Variants in HNRNPLL observed in about 807,000 individuals in gnomAD.
The protein encoded by HNRNPLL is heterogeneous nuclear ribonucleoprotein L-like.
In HNRNPLL, 25 loss-of-function variants were observed where a neutral mutation model predicts 67.1. The ratio of observed to expected loss-of-function variants is 0.37; its 90% CI spans 0.27 to 0.52. HNRNPLL has a LOEUF of 0.52. HNRNPLL is among the 20% of genes least tolerant of loss of function. HNRNPLL has a pLI of 0.90. For missense variants in HNRNPLL, 542 were observed against 673.9 expected (o/e 0.80, Z 2.17); for synonymous variants, 267 against 241.7 (o/e 1.10, Z -0.97).
chr2:38,581,540 C>T (rs1021461202), intron 6 of HNRNPLL: 3 of 290,064 alleles, frequency 1.0e-5, no homozygotes, highest in Non-Finnish European at 1.9e-5. Context: ...CTTAATGCCT[C>T]GTCCAGCTTG....
intron 1 of HNRNPLL, chr2:38,602,142 C>A: frequency 2.3e-6 from 1 of 438,362 alleles, no homozygotes; most frequent in Non-Finnish European, 4.0e-6. Context: ...CGAAACCCCC[C>A]AGAGCGGAAG....
At chr2:38,602,300 A>G in intron 1 of HNRNPLL, 138 bp downstream of exon 1, 1 of 777,280 alleles carries the variant, frequency 1.3e-6, no homozygotes. Flanking sequence ...ACGAGCCCCA[A>G]AGAGAAGAGT....
chr2:38,588,005 T>G (rs900967225), intron 2 of HNRNPLL, among the ~76,000 whole-genome samples: 1 of 152,110 alleles, frequency 6.6e-6, no homozygotes, highest in Admixed American at 6.6e-5. Context: ...CTGCTGGCTA[T>G]GTAAAGATGT....
At position 38,601,145 on chromosome 2, in the gene HNRNPLL, A is replaced by G. The variant is rs1169044698; in HGVS notation, c.189+1293T>C. Among the ~76,000 whole-genome samples, 3 of 152,230 alleles carry G rather than the reference A, an allele frequency of 2.0e-5. No homozygotes were observed. The East Asian group carries it at 5.8e-4, about 29-fold the overall frequency. On this transcript the variant is annotated intron_variant, in intron 1 of 12. Coordinates refer to ENST00000449105, the MANE Select transcript of HNRNPLL (RefSeq NM_138394.4). ...TCCTTTATTCACACTTCCAAGTTAC[A>G]TTTTGAATATTTCAAATAGCTCGGC... is the stretch of plus-strand genomic sequence containing the variant.
In HNRNPLL at chr2:38,562,583, A is replaced by C. The variant is rs1438301790; in HGVS notation, c.*1599T>G. The C allele has an allele frequency of 6.6e-6, 1 of 152,156 alleles. No individual in the cohort carries two copies. Among genetic ancestry groups the C allele is most frequent in the Non-Finnish European group, 1.5e-5 (1 of 67,984 alleles). 9.4% of individuals were successfully genotyped at this position (152,156 alleles called of 1,614,324 possible). A position where few individuals can be genotyped will look rare whatever the true frequency, so the allele number is the denominator to read the frequency against. On this transcript the variant is annotated 3_prime_UTR_variant, in exon 13 of 13. Transcript: ENST00000449105. ...ATAGGGGAAAAAAAGCTTTATTGTA[A>C]AGTTAGATAAACTTAGGTATTAAAT... is the stretch of plus-strand genomic sequence containing the variant.
chr2:38,601,520 A>G (rs1159067670), intron 1 of HNRNPLL: 2 of 152,246 alleles, frequency 1.3e-5, no homozygotes, highest in Non-Finnish European at 2.9e-5. Flanking sequence ...AAAAAGGGCA[A>G]TAACGTTTGC....
chr2:38,600,832 C>T (rs1667403904), intron 1 of HNRNPLL, among the ~76,000 whole-genome samples: 3 of 152,210 alleles, frequency 2.0e-5, no homozygotes, highest in South Asian at 4.1e-4. Flanking sequence ...CCGCTCCACA[C>T]ATTTCGCTTT....
chr2:38,578,067 A>G (rs538012118), intron 6 of HNRNPLL: 2 of 463,686 alleles, frequency 4.3e-6, no homozygotes, highest in Non-Finnish European at 9.0e-6. Context: ...ACATATTTAC[A>G]AACACCTGAC....
Position 38,569,133 on chromosome 2 carries a change from C to T in HNRNPLL, c.1416G>A (p.Lys472=). 1 of 1,591,868 alleles carries T rather than the reference C, an allele frequency of 6.3e-7. No individual in the cohort carries two copies. Among genetic ancestry groups the T allele is most frequent in the Non-Finnish European group, 8.6e-7 (1 of 1,159,862 alleles). Residue 472 remains lysine (K), a splice_region_variant and synonymous_variant, in exon 10 of 13, where the codon AAG becomes AAA. Transcript: ENST00000449105. The stretch of plus-strand genomic sequence containing the variant: ...TACACATTTGTATTTCAGTGCCTAC[C>T]TTTGTGAAGGTCTCTTCTGTGACAC... The part of the protein sequence containing the change: ...PLCVTEETFT[K]LCNDHEVLTF...
intron 6 of HNRNPLL, among the ~76,000 whole-genome samples, chr2:38,580,195 A>C (rs78589338): frequency 6.6e-6 from 1 of 152,330 alleles, no homozygotes; most frequent in East Asian, 1.9e-4. Flanking sequence ...CAATAACTGT[A>C]AATTGACAGA....
At chr2:38,566,366 C>CA (rs71402234) in intron 12 of HNRNPLL, among the ~76,000 whole-genome samples, 10,201 of 58,492 alleles carry the variant, frequency 0.17, 564 homozygotes, top group African/African-American at 0.28. Flanking sequence ...AGACTCGTCT[C>CA]AAAAAAAAAA....
chr2:38,570,380 G>T (rs535398679), intron 8 of HNRNPLL, among the ~76,000 whole-genome samples: 1 of 152,262 alleles, frequency 6.6e-6, no homozygotes, highest in East Asian at 1.9e-4. Flanking sequence ...TTATATTCTA[G>T]TAGTTAAGTC....
chr2:38,572,315 G>C (rs549141108), intron 8 of HNRNPLL, among the ~76,000 whole-genome samples: 1 of 152,010 alleles, frequency 6.6e-6, no homozygotes, highest in East Asian at 1.9e-4. Context: ...AGAAGCTTTA[G>C]AATTAATGAA....
Position 38,563,532 on chromosome 2 carries a change from T to A in HNRNPLL, c.*650A>T, listed in dbSNP as rs1334819401. 1 of 151,980 alleles carries A rather than the reference T, an allele frequency of 6.6e-6. No individual in the cohort carries two copies. Among genetic ancestry groups the A allele is most frequent in the African/African-American group, 2.4e-5 (1 of 41,392 alleles). The allele number at this position is 151,980 out of a possible 1,614,324, so 9.4% of individuals were successfully genotyped here. The stretch of plus-strand genomic sequence containing the variant: ...CTCATTGTTATAACTTTATAAAATC[T>A]CCAAACTGGACTAGAAACAGAGGCA... On this transcript the variant is annotated 3_prime_UTR_variant, in exon 13 of 13. Transcript: ENST00000449105.
chr2:38,601,914 C>G (rs1558551766), intron 1 of HNRNPLL: 1 of 152,792 alleles, frequency 6.5e-6, no homozygotes, highest in Non-Finnish European at 1.5e-5. Flanking sequence ...ATTAAACCTT[C>G]AAGGGAACTA....
At position 38,561,990 on chromosome 2, in the gene HNRNPLL, A is replaced by G. The variant is rs772403212; in HGVS notation, c.*2192T>C. ...CATATTCCATAACTCAGTTTGGCAGATTTATTATCAAATGTGTAGTAGGAT... is the reference window on the plus strand; with the variant it reads ...CATATTCCATAACTCAGTTTGGCAGGTTTATTATCAAATGTGTAGTAGGAT... On this transcript the variant is annotated 3_prime_UTR_variant, in exon 13 of 13. Transcript: ENST00000449105. 6.6e-6 allele frequency: 1 copy of G among 152,208 alleles called. No homozygotes were observed. The highest frequency in any genetic ancestry group is 1.5e-5 in the Non-Finnish European group (1 of 68,020). The allele number at this position is 152,208 out of a possible 1,614,324, so 9.4% of individuals were successfully genotyped here.
At position 38,569,808 on chromosome 2, in the gene HNRNPLL, C is replaced by A; in HGVS notation, c.1210G>T (p.Val404Phe). ...TCATTTAAGATAGATAATTACCAAA[C>A]ATTAAGTCTTTTCCCAAATAATTTG... ...NVKLFGKRLNVCVSKQHSVVP... is the reference protein window; with the variant it reads ...NVKLFGKRLNFCVSKQHSVVP... The change falls in exon 9 of 13, where the codon GTT (valine) becomes TTT (phenylalanine). Residue 404 changes from valine to phenylalanine, a missense_variant. Transcript: ENST00000449105. The A allele has an allele frequency of 7.1e-7, 1 of 1,414,544 alleles. No homozygotes were observed. Among genetic ancestry groups the A allele is most frequent in the Non-Finnish European group, 9.8e-7 (1 of 1,022,052 alleles). 87.6% of individuals were successfully genotyped at this position (1,414,544 alleles called of 1,614,324 possible).
Position 38,577,789 on chromosome 2 carries a change from A to G in HNRNPLL, c.803-257T>C, listed in dbSNP as rs1026052985. The stretch of plus-strand genomic sequence containing the variant: ...ATGCCAAATACAATCACACTTTCAA[A>G]TTTAAGGAAGAATGGATACTTTTCA... On this transcript the variant is annotated intron_variant, in intron 6 of 12. Transcript: ENST00000449105. The G allele has an allele frequency of 8.2e-6, 4 of 489,808 alleles. No individual in the cohort carries two copies. In the East Asian group the frequency reaches 1.2e-4, roughly 15 times the overall value. The allele number at this position is 489,808 out of a possible 1,614,324, so 30.3% of individuals were successfully genotyped here.
chr2:38,582,526 T>C (rs150771626), intron 4 of HNRNPLL, among the ~76,000 whole-genome samples: 5,939 of 152,192 alleles, frequency 0.039, 155 homozygotes, highest in South Asian at 0.082. Context: ...TGACCAGGAT[T>C]GTCTCGATCT....
Sources: gnomAD v4.1 joint callset for allele counts (sites outside exome capture counted in the v4.1 genomes callset) on GRCh38, gnomAD v4.1.1 for gene constraint, MANE v1.5 for transcripts, NCBI Gene and HGNC (gene_info 2026-07-23, HGNC 2026-07-21) for gene names.